The following WBP4 variants were observed in gnomAD, a reference collection of about 807,000 sequenced individuals.
WBP4 encodes the protein WW domain-binding protein 4.
Under a neutral mutation model 55.4 loss-of-function variants are expected in WBP4, and 37 were observed. The ratio of observed to expected loss-of-function variants is 0.67; its 90% CI spans 0.51 to 0.88. WBP4 has a LOEUF of 0.88. Ranked by LOEUF, WBP4 falls within the 40% of genes least tolerant of loss-of-function variation. The pLI is 0.00. For synonymous variants in WBP4, 142 were observed against 140.2 expected (o/e 1.01, Z -0.09); for missense variants, 398 against 420.8 (o/e 0.95, Z 0.47).
In WBP4 at chr13:41,072,796, C is replaced by T. The variant is rs758745270; in HGVS notation, c.501C>T (p.Thr167=). The change falls in exon 7 of 10, where the codon ACC becomes ACT. Residue 167 remains threonine (T), a synonymous_variant. Coordinates refer to ENST00000379487, the MANE Select transcript of WBP4 (RefSeq NM_007187.5). ...QGDLKKTAVK[T]VWVEGLSEDG... ...CCTCCTATTAGACAGCAGTGAAGAC[C>T]GTTTGGGTAGAAGGTTTAAGTGAAG... 4.2e-5 allele frequency: 68 copies of T among 1,613,036 alleles called. No individual in the cohort carries two copies. The highest frequency in any genetic ancestry group is 4.8e-5 in the Non-Finnish European group (57 of 1,179,582).
chr13:41,072,284 C>G (rs1878284572), intron 6 of WBP4, among the ~76,000 whole-genome samples: 1 of 152,108 alleles, frequency 6.6e-6, no homozygotes. Flanking sequence ...TTAGTCAGTT[C>G]TTGCATTGCT....
Position 41,065,088 on chromosome 13 carries a change from A to T in WBP4, c.138+10A>T, listed in dbSNP as rs1566208202. ...AAAAAGGATCAGTGAGGTAATTTAG[A>T]TTGTTTATTTGCTAATTTTTCTATG... On this transcript the variant is annotated intron_variant, in intron 3 of 9. Coordinates refer to ENST00000379487, the MANE Select transcript of WBP4 (RefSeq NM_007187.5). The T allele has an allele frequency of 1.2e-6, 2 of 1,600,646 alleles. No individual in the cohort carries two copies.
chr13:41,076,034 T>G lies in WBP4; in HGVS notation c.563-10T>G, dbSNP rs950014671. 2 of 1,607,080 alleles carry G rather than the reference T, an allele frequency of 1.2e-6. No individual in the cohort carries two copies. The highest frequency in any genetic ancestry group is 2.2e-5 in the South Asian group (2 of 89,214). ...AACTAAATAACATGACTTTAAAATG[T>G]GTTGAGCAGAATCCAGATGGGAGAA... On this transcript the variant is annotated splice_polypyrimidine_tract_variant and intron_variant, in intron 7 of 9. Coordinates refer to ENST00000379487, the MANE Select transcript of WBP4 (RefSeq NM_007187.5).
chr13:41,082,366 G>A lies in WBP4; in HGVS notation c.921-338G>A, dbSNP rs529458328. On this transcript the variant is annotated intron_variant, in intron 9 of 9. Transcript: ENST00000379487. ...TGAGCTCAAGTGATCCTCCTGCCTC[G>A]GCCTCTCAAAGTGCTGGGATTACAA... Among the ~76,000 whole-genome samples the A allele has an allele frequency of 2.6e-4, 39 of 152,014 alleles. 1 individual carries two copies. The highest frequency in any genetic ancestry group is 1.8e-3 in the Admixed American group (27 of 15,258).
Position 41,076,165 on chromosome 13 carries a change from T to C in WBP4, c.684T>C (p.Asp228=), listed in dbSNP as rs1304742290. 2 of 1,613,248 alleles carry C rather than the reference T, an allele frequency of 1.2e-6. No individual in the cohort carries two copies. Among genetic ancestry groups the C allele is most frequent in the Admixed American group, 1.7e-5 (1 of 59,852 alleles). ...CCAAATCATCAGATTCGCATAGTGA[T>C]TCTGATGGGGAACAGGAAGCAGAAG... The part of the protein sequence containing the change: ...DESKSSDSHS[D]SDGEQEAEEG... Residue 228 remains aspartate (D), a synonymous_variant, in exon 8 of 10, where the codon GAT becomes GAC. Transcript: ENST00000379487.
intron 7 of WBP4, among the ~76,000 whole-genome samples, chr13:41,073,218 A>G (rs902398700): frequency 6.6e-6 from 1 of 152,178 alleles, no homozygotes; most frequent in Non-Finnish European, 1.5e-5. Flanking sequence ...TTTCCTTTTT[A>G]AAAATAAAAC....
Position 41,061,648 on chromosome 13 carries a change from C to T in WBP4, c.-26C>T, listed in dbSNP as rs756089244. Reference sequence around the variant, plus strand: ...GCGCGAGTCTGAGTGGAACCCTGGACGACTTGCAGAGCGGCTGGCGCAGTC... The same window carrying T: ...GCGCGAGTCTGAGTGGAACCCTGGATGACTTGCAGAGCGGCTGGCGCAGTC... On this transcript the variant is annotated 5_prime_UTR_variant, in exon 1 of 10. The change creates a new upstream start codon in the 5' untranslated region. Coordinates refer to ENST00000379487, the MANE Select transcript of WBP4 (RefSeq NM_007187.5). 14 of 1,613,936 alleles carry T rather than the reference C, an allele frequency of 8.7e-6. No individual in the cohort carries two copies. Among genetic ancestry groups the T allele is most frequent in the Non-Finnish European group, 2.5e-6 (3 of 1,180,036 alleles).
chr13:41,073,236 G>A (rs1038021833), intron 7 of WBP4, among the ~76,000 whole-genome samples: 11 of 152,156 alleles, frequency 7.2e-5, no homozygotes, highest in South Asian at 2.1e-4. Context: ...AACTGTGGCC[G>A]GGCACAGTGG....
At chr13:41,072,905 A>C (rs1284128286) in intron 7 of WBP4, 48 bp downstream of exon 7, 1 of 1,481,108 alleles carries the variant, frequency 6.8e-7, no homozygotes. Flanking sequence ...TGTACCTGGA[A>C]CTGCTTATTG....
chr13:41,074,089 G>A (rs1163207616), intron 7 of WBP4, among the ~76,000 whole-genome samples: 4 of 151,758 alleles, frequency 2.6e-5, no homozygotes, highest in Admixed American at 1.3e-4. Flanking sequence ...CAGCCACTTC[G>A]CCAGGCTAAT....
At chr13:41,077,207 A>G (rs1294772289) in intron 8 of WBP4, among the ~76,000 whole-genome samples, 1 of 152,110 alleles carries the variant, frequency 6.6e-6, no homozygotes, top group Non-Finnish European at 1.5e-5. Context: ...ATAAACAATT[A>G]AAAACAACCA....
chr13:41,068,702 AGG>A lies in WBP4; in HGVS notation c.406_407del (p.Gly136LeufsTer6). 2 of 1,610,134 alleles carry A rather than the reference AGG, an allele frequency of 1.2e-6. No individual in the cohort carries two copies. Among genetic ancestry groups the A allele is most frequent in the Non-Finnish European group, 1.7e-6 (2 of 1,178,762 alleles). On this transcript the variant is annotated frameshift_variant, in exon 5 of 10. Transcript: ENST00000379487. LOFTEE classifies it high-confidence loss of function. The stretch of plus-strand genomic sequence containing the variant: ...AGATGGGTAGAAGGCATAACCTCTG[AGG>A]GTTACCATTACTATTATGATCTTAT...
At chr13:41,066,404 CCT>C (rs1877975859) in intron 4 of WBP4, among the ~76,000 whole-genome samples, 1 of 152,046 alleles carries the variant, frequency 6.6e-6, no homozygotes, top group Non-Finnish European at 1.5e-5. Context: ...TTTTTGCAGA[CCT>C]CTTCTTTAGA....
chr13:41,080,245 C>A (rs1002273094), intron 8 of WBP4, among the ~76,000 whole-genome samples: 1 of 152,100 alleles, frequency 6.6e-6, no homozygotes, highest in African/African-American at 2.4e-5. Flanking sequence ...AAAAAAATTA[C>A]AAAATACAGG....
rs1399039397 is a variant in WBP4 at position 41,076,050 on chromosome 13, G to C, written c.569G>C (p.Arg190Thr). ...TTTAAAATGTGTTGAGCAGAATCCA[G>C]ATGGGAGAAACCTGATGATTTCATT... is the stretch of plus-strand genomic sequence containing the variant. ...YYYNTETGESRWEKPDDFIPH... is the reference protein window; with the variant it reads ...YYYNTETGESTWEKPDDFIPH... The change falls in exon 8 of 10, where the codon AGA becomes ACA. Residue 190 changes from arginine (R) to threonine (T), a missense_variant. Transcript: ENST00000379487. 15 of 1,611,838 alleles carry C rather than the reference G, an allele frequency of 9.3e-6. No homozygotes were observed. The highest frequency in any genetic ancestry group is 1.3e-5 in the Non-Finnish European group (15 of 1,179,546).
At chr13:41,064,317 ATTG>A (rs1424855821) in intron 2 of WBP4, among the ~76,000 whole-genome samples, 1 of 152,118 alleles carries the variant, frequency 6.6e-6, no homozygotes, top group African/African-American at 2.4e-5. Context: ...TGGATACCGT[ATTG>A]TTATTGCAAA....
chr13:41,070,672 G>A (rs953627272), intron 5 of WBP4, among the ~76,000 whole-genome samples: 1 of 152,122 alleles, frequency 6.6e-6, no homozygotes, highest in Non-Finnish European at 1.5e-5. Flanking sequence ...GTCTGGGGAT[G>A]TAGATAATAT....
chr13:41,061,645 G>A lies in WBP4; in HGVS notation c.-29G>A, dbSNP rs750219043. On this transcript the variant is annotated 5_prime_UTR_variant, in exon 1 of 10. Coordinates refer to ENST00000379487, the MANE Select transcript of WBP4 (RefSeq NM_007187.5). Reference sequence around the variant, plus strand: ...AAAGCGCGAGTCTGAGTGGAACCCTGGACGACTTGCAGAGCGGCTGGCGCA... The same window carrying A: ...AAAGCGCGAGTCTGAGTGGAACCCTAGACGACTTGCAGAGCGGCTGGCGCA... The A allele has an allele frequency of 1.2e-6, 2 of 1,614,030 alleles. No homozygotes were observed. Among genetic ancestry groups the A allele is most frequent in the South Asian group, 2.2e-5 (2 of 91,080 alleles).
chr13:41,076,333 C>T, intron 8 of WBP4, 96 bp downstream of exon 8: 1 of 974,822 alleles, frequency 1.0e-6, no homozygotes, highest in Non-Finnish European at 1.4e-6. Flanking sequence ...GGCTGGAGTA[C>T]AGTGGCACTG....
Sources: gnomAD v4.1 joint callset for allele counts (sites outside exome capture counted in the v4.1 genomes callset) on GRCh38, gnomAD v4.1.1 for gene constraint, MANE v1.5 for transcripts, NCBI Gene and HGNC (gene_info 2026-07-23, HGNC 2026-07-21) for gene names.